SLC44A2: variants seen among roughly 807,000 people sequenced by gnomAD.
The protein encoded by SLC44A2 is solute carrier family 44 member 2 (CTL2 blood group).
Under a neutral mutation model 90.8 loss-of-function variants are expected in SLC44A2, and 57 were observed. The ratio of observed to expected loss-of-function variants is 0.63; its 90% CI spans 0.51 to 0.78. The LOEUF is 0.78. SLC44A2 is among the 30% of genes least tolerant of loss of function. The probability of loss-of-function intolerance (pLI) is 0.00; values close to 1 mark genes in which losing one functional copy is unlikely to be tolerated. For synonymous variants in SLC44A2, 355 were observed against 360.7 expected (o/e 0.98, Z 0.18); for missense variants, 794 against 919.7 (o/e 0.86, Z 1.77).
At position 10,610,004 on chromosome 19, in the gene SLC44A2, C is replaced by G. The variant is rs187181802; in HGVS notation, c.31+7443C>G. ...TATTTTTAGTAGAGACAGGGTTTCA[C>G]TATGTTGACCAGGCTGGTCTCAAAC... On this transcript the variant is annotated intron_variant, in intron 1 of 21. Transcript: ENST00000407327. Among the ~76,000 whole-genome samples, 265 of 151,902 alleles carry G rather than the reference C, an allele frequency of 1.7e-3. 5 individuals are homozygous for G. The East Asian group carries it at 0.04, about 23-fold the overall frequency.
chr19:10,633,078 A>AGGGGCCT (rs1361170474), intron 10 of SLC44A2, among the ~76,000 whole-genome samples: 1 of 152,070 alleles, frequency 6.6e-6, no homozygotes, highest in Non-Finnish European at 1.5e-5. Flanking sequence ...GGGCCTGTTT[A>AGGGGCCT]GTTCAGGCCT....
chr19:10,636,930 G>A, intron 16 of SLC44A2, 174 bp downstream of exon 16: 1 of 657,852 alleles, frequency 1.5e-6, no homozygotes, highest in Non-Finnish European at 2.5e-6. Context: ...TGCGATGGAG[G>A]AGCAAACCAG....
Position 10,642,351 on chromosome 19 carries a change from G to C in SLC44A2, c.1930-16G>C. On this transcript the variant is annotated splice_polypyrimidine_tract_variant and intron_variant, in intron 20 of 21. Transcript: ENST00000335757. ...GAAGGACACGGAGCAGGGACAGCTCGTTTCTCCTTGCCCAGACGGTGATCG... is the reference window on the plus strand; with the variant it reads ...GAAGGACACGGAGCAGGGACAGCTCCTTTCTCCTTGCCCAGACGGTGATCG... 3.1e-6 allele frequency: 5 copies of C among 1,613,114 alleles called. No homozygotes were observed. Among genetic ancestry groups the C allele is most frequent in the Admixed American group, 1.7e-5 (1 of 60,006 alleles).
chr19:10,614,357 G>A (rs1482318019), intron 1 of SLC44A2, among the ~76,000 whole-genome samples: 2 of 152,040 alleles, frequency 1.3e-5, no homozygotes, highest in Admixed American at 6.6e-5. Flanking sequence ...AACCACATGG[G>A]TGTGAGGGGC....
At chr19:10,614,719 C>A (rs1599231236) in intron 1 of SLC44A2, among the ~76,000 whole-genome samples, 1 of 150,780 alleles carries the variant, frequency 6.6e-6, no homozygotes, top group East Asian at 2.0e-4. Flanking sequence ...GCCGATAATC[C>A]CAGCACTTTG....
chr19:10,634,114 G>T (rs2067026155), intron 10 of SLC44A2, among the ~76,000 whole-genome samples: 1 of 150,044 alleles, frequency 6.7e-6, no homozygotes, highest in African/African-American at 2.5e-5. Flanking sequence ...GAGATTACTG[G>T]CGCCCACCAC....
At chr19:10,633,326 G>A (rs2067017538) in intron 10 of SLC44A2, among the ~76,000 whole-genome samples, 1 of 151,698 alleles carries the variant, frequency 6.6e-6, no homozygotes, top group South Asian at 2.1e-4. Flanking sequence ...ACCATGCCCG[G>A]CTAATTTTTT....
upstream of SLC44A2, among the ~76,000 whole-genome samples, chr19:10,624,913 GC>G (rs374529008): frequency 6.6e-6 from 1 of 152,254 alleles, no homozygotes; most frequent in African/African-American, 2.4e-5. Flanking sequence ...GGTGGGAGGA[GC>G]CCACGAGTCC....
At chr19:10,643,030 G>A (rs2067135268) in intron 21 of SLC44A2, 2 of 1,521,522 alleles carry the variant, frequency 1.3e-6, no homozygotes, top group Non-Finnish European at 8.8e-7. Context: ...GAGTGAGGGA[G>A]ACTGGCGTGG....
At chr19:10,620,306 C>T (rs1358652472) in intron 1 of SLC44A2, among the ~76,000 whole-genome samples, 1 of 152,068 alleles carries the variant, frequency 6.6e-6, no homozygotes, top group Non-Finnish European at 1.5e-5. Flanking sequence ...CATAGTGAAA[C>T]CCCATCTCTA....
At chr19:10,604,753 T>C (rs1278110100) in intron 1 of SLC44A2, among the ~76,000 whole-genome samples, 1 of 152,140 alleles carries the variant, frequency 6.6e-6, no homozygotes, top group Admixed American at 6.6e-5. Flanking sequence ...AAGCTCGATG[T>C]GCTCAGGAGG....
chr19:10,633,170 T>C (rs1282057868), intron 10 of SLC44A2, among the ~76,000 whole-genome samples: 1 of 151,884 alleles, frequency 6.6e-6, no homozygotes, highest in African/African-American at 2.4e-5. Context: ...GTTGTTGTTT[T>C]GTTGTTGTTG....
chr19:10,636,162 T>C, intron 14 of SLC44A2, 161 bp from the exon 15 acceptor site: 2 of 841,054 alleles, frequency 2.4e-6, no homozygotes, highest in Middle Eastern at 3.7e-4. Flanking sequence ...TCCCTTCCTT[T>C]GCACAAGCCA....
chr19:10,625,582 AG>A lies in SLC44A2; in HGVS notation c.-47del. ...CCTCCCTCCAGACTCGGGAGGGTCG[AG>A]GGGGCGCGGGAGAGAGCGCGGGCGG... On this transcript the variant is annotated 5_prime_UTR_variant, in exon 1 of 22. Coordinates refer to ENST00000335757, the MANE Select transcript of SLC44A2 (RefSeq NM_020428.4). 1.6e-6 allele frequency: 2 copies of A among 1,232,996 alleles called. No individual in the cohort carries two copies. 76.4% of individuals were successfully genotyped at this position (1,232,996 alleles called of 1,614,324 possible). A position where few individuals can be genotyped will look rare whatever the true frequency, so the allele number is the denominator to read the frequency against.
chr19:10,620,568 A>G (rs886384953), upstream of SLC44A2, among the ~76,000 whole-genome samples: 1 of 152,194 alleles, frequency 6.6e-6, no homozygotes, highest in African/African-American at 2.4e-5. Context: ...TGTATTATAT[A>G]TTGTGGCTAT....
At chr19:10,633,449 C>T (rs148426178) in intron 10 of SLC44A2, among the ~76,000 whole-genome samples, 4,128 of 151,608 alleles carry the variant, frequency 0.027, 190 homozygotes, top group African/African-American at 0.095. Context: ...CGTGAGCCAC[C>T]GCGCCCAGCC....
chr19:10,640,149 G>A (rs1405083312), intron 20 of SLC44A2, among the ~76,000 whole-genome samples: 1 of 146,628 alleles, frequency 6.8e-6, no homozygotes, highest in Non-Finnish European at 1.5e-5. Context: ...GGAGTGCGAT[G>A]GAGTGATCTC....
Position 10,636,733 on chromosome 19 carries a change from A to C in SLC44A2, c.1568A>C (p.Glu523Ala). 1 of 1,613,914 alleles carries C rather than the reference A, an allele frequency of 6.2e-7. No individual in the cohort carries two copies. The highest frequency in any genetic ancestry group is 1.1e-5 in the South Asian group (1 of 91,044). Reference sequence around the variant, plus strand: ...GTGCAGATCATCCGTGTGATACTCGAGTACCTGGATCAGCGGCTGAAAGGT... The same window carrying C: ...GTGCAGATCATCCGTGTGATACTCGCGTACCTGGATCAGCGGCTGAAAGGT... ...AIVQIIRVIL[E>A]YLDQRLKAAE... The change falls in exon 16 of 22, where the codon GAG (glutamate) becomes GCG (alanine). Residue 523 changes from glutamate (E) to alanine (A), a missense_variant. By Grantham distance (107) the Glu-to-Ala change is moderately radical. Coordinates refer to ENST00000335757, the MANE Select transcript of SLC44A2 (RefSeq NM_020428.4).
In SLC44A2 at chr19:10,602,579, T is replaced by C. The variant is rs960755511; in HGVS notation, c.31+18T>C. 3.2e-6 allele frequency: 4 copies of C among 1,267,252 alleles called. No homozygotes were observed. In the African/African-American group the frequency reaches 4.7e-5, roughly 15 times the overall value. 78.5% of individuals were successfully genotyped at this position (1,267,252 alleles called of 1,614,324 possible). A position where few individuals can be genotyped will look rare whatever the true frequency, so the allele number is the denominator to read the frequency against. Reference sequence around the variant, plus strand: ...AGCCTACGGTAGGAGCCGCCTCCGGTCAGGGGCCGCCTCTGCTGACCTGCG... The same window carrying C: ...AGCCTACGGTAGGAGCCGCCTCCGGCCAGGGGCCGCCTCTGCTGACCTGCG... On this transcript the variant is annotated intron_variant, in intron 1 of 21. Coordinates refer to the SLC44A2 transcript ENST00000407327.
Sources: allele counts gnomAD v4.1 joint callset (sites outside exome capture counted in the v4.1 genomes callset), GRCh38; gene constraint gnomAD v4.1.1; transcripts MANE v1.5; gene names NCBI Gene and HGNC (gene_info 2026-07-23, HGNC 2026-07-21).